The following CPNE2 variants were observed in gnomAD, a reference collection of about 807,000 sequenced individuals.
The protein encoded by CPNE2 is copine 2, also known as copine-2.
CPNE2 carries 42 observed loss-of-function variants against 69.7 expected under a neutral mutation model. The observed-to-expected ratio is 0.60, with a 90% CI of 0.47 to 0.78. The LOEUF (loss-of-function observed/expected upper bound fraction) is 0.78. Ranked by LOEUF, CPNE2 falls within the 30% of genes least tolerant of loss-of-function variation. The pLI is 0.00. For synonymous variants in CPNE2, 294 were observed against 289.8 expected (o/e 1.01, Z -0.15); for missense variants, 587 against 732.0 (o/e 0.80, Z 2.29).
intron 2 of CPNE2, chr16:57,112,882 A>C: frequency 6.2e-6 from 1 of 160,214 alleles, no homozygotes; most frequent in Admixed American, 6.4e-5. Flanking sequence ...TGAAAACCGC[A>C]AGTAGTCAAA....
chr16:57,118,746 T>C (rs1251496158), intron 5 of CPNE2, among the ~76,000 whole-genome samples: 1 of 152,142 alleles, frequency 6.6e-6, no homozygotes. Context: ...TTTTTAAACC[T>C]TAAATGATTT....
At chr16:57,122,283 G>A (rs553375335) in intron 9 of CPNE2, among the ~76,000 whole-genome samples, 1 of 152,326 alleles carries the variant, frequency 6.6e-6, no homozygotes, top group South Asian at 2.1e-4. Flanking sequence ...ATTAAGGAAG[G>A]CAGCCTGGGG....
At chr16:57,133,147 A>C (rs1454903092) in intron 12 of CPNE2, among the ~76,000 whole-genome samples, 7 of 152,054 alleles carry the variant, frequency 4.6e-5, no homozygotes, top group African/African-American at 1.7e-4. Context: ...GAGGCTCAGG[A>C]AGTCTCCATG....
At chr16:57,100,256 AG>A (rs538441406) in intron 1 of CPNE2, among the ~76,000 whole-genome samples, 6 of 152,208 alleles carry the variant, frequency 3.9e-5, no homozygotes, top group Non-Finnish European at 8.8e-5. Flanking sequence ...TAAGTGAAGA[AG>A]GGGGAAGGGC....
chr16:57,119,787 A>G, intron 7 of CPNE2, 137 bp downstream of exon 7: 1 of 613,502 alleles, frequency 1.6e-6, no homozygotes. Flanking sequence ...AGGAGGGAGG[A>G]CTGGAGACTG....
intron 12 of CPNE2, among the ~76,000 whole-genome samples, chr16:57,131,184 C>T (rs2069836084): frequency 6.6e-6 from 1 of 152,248 alleles, no homozygotes; most frequent in African/African-American, 2.4e-5. Context: ...ACTGTTGCCT[C>T]CCCATGAGAA....
chr16:57,115,879 C>T (rs2069715733), intron 4 of CPNE2, among the ~76,000 whole-genome samples: 1 of 152,240 alleles, frequency 6.6e-6, no homozygotes, highest in Non-Finnish European at 1.5e-5. Context: ...TCCTGCAATG[C>T]GCAACGACTC....
intron 14 of CPNE2, among the ~76,000 whole-genome samples, chr16:57,139,908 G>A (rs2069909192): frequency 6.6e-6 from 1 of 152,106 alleles, no homozygotes; most frequent in South Asian, 2.1e-4. Flanking sequence ...GATCAATCAG[G>A]AGGAGGTAGT....
chr16:57,100,047 G>A (rs183745604), intron 1 of CPNE2, among the ~76,000 whole-genome samples: 5 of 152,128 alleles, frequency 3.3e-5, no homozygotes, highest in Admixed American at 1.3e-4. Context: ...TGCTGGGATT[G>A]CAGGTGTGAG....
intron 1 of CPNE2, among the ~76,000 whole-genome samples, chr16:57,108,590 T>A (rs1457629084): frequency 2.0e-5 from 3 of 152,224 alleles, no homozygotes; most frequent in Non-Finnish European, 4.4e-5. Flanking sequence ...AAATGAGACC[T>A]GACCACAGGA....
rs1886564760 is a variant in CPNE2, at chr16:57,119,524, AG to A, written c.592-34del. The A allele has an allele frequency of 2.6e-6, 4 of 1,560,598 alleles. No homozygotes were observed. The Middle Eastern group carries it at 5.0e-4, about 196-fold the overall frequency. On this transcript the variant is annotated intron_variant, in intron 6 of 15. Coordinates refer to ENST00000290776, the MANE Select transcript of CPNE2 (RefSeq NM_152727.6). ...ACCCAACCCCAGAGCACTGCTGCCC[AG>A]GGCCTGAGCTCACAGCATCCCTCTC...
intron 1 of CPNE2, among the ~76,000 whole-genome samples, chr16:57,103,067 G>A (rs1381166988): frequency 3.3e-5 from 5 of 152,118 alleles, no homozygotes; most frequent in African/African-American, 1.2e-4. Context: ...CCGTGACCAG[G>A]CAACCACGCC....
intron 1 of CPNE2, among the ~76,000 whole-genome samples, chr16:57,096,048 T>C (rs1273666651): frequency 6.6e-6 from 1 of 152,244 alleles, no homozygotes; most frequent in South Asian, 2.1e-4. Flanking sequence ...ACATTGTAGG[T>C]GCTCAGTAAA....
At position 57,146,686 on chromosome 16, in the gene CPNE2, C is replaced by T. The variant is rs1197346274; in HGVS notation, c.1539+365C>T. On this transcript the variant is annotated intron_variant, in intron 15 of 15. Coordinates refer to ENST00000290776, the MANE Select transcript of CPNE2 (RefSeq NM_152727.6). This position sits in a 1 kb window ranked among gnomAD's most constrained non-coding sequence, Gnocchi z 4.4. ...GAGAGAGGGGTTTTCCTGATCATCA[C>T]GCCCCAGCAAGCCCCCTCATTTTGT... 3.0e-5 allele frequency: 6 copies of T among 202,172 alleles called. No individual in the cohort carries two copies. Among genetic ancestry groups the T allele is most frequent in the East Asian group, 1.4e-4 (1 of 7,170 alleles). 12.5% of individuals were successfully genotyped at this position (202,172 alleles called of 1,614,324 possible). A position where few individuals can be genotyped will look rare whatever the true frequency, so the allele number is the denominator to read the frequency against.
intron 1 of CPNE2, among the ~76,000 whole-genome samples, chr16:57,096,623 C>A (rs1272964742): frequency 1.3e-5 from 2 of 150,012 alleles, no homozygotes; most frequent in Non-Finnish European, 2.9e-5. Flanking sequence ...TGCTTGAGCC[C>A]AGGAGGTCGA....
rs553307942 is a variant in CPNE2 at position 57,103,737 on chromosome 16, G to A, written c.-35-6971G>A. Among the ~76,000 whole-genome samples, 77 of 152,238 alleles carry A rather than the reference G, an allele frequency of 5.1e-4. No individual in the cohort carries two copies. The South Asian group carries it at 5.6e-3, about 11-fold the overall frequency. Reference sequence around the variant, plus strand: ...CCAGCCGGCCCAGCAGCTCCTCCCCGACAGTGAGCTCCTTTACACTATAGC... The same window carrying A: ...CCAGCCGGCCCAGCAGCTCCTCCCCAACAGTGAGCTCCTTTACACTATAGC... On this transcript the variant is annotated intron_variant, in intron 1 of 15. Coordinates refer to ENST00000290776, the MANE Select transcript of CPNE2 (RefSeq NM_152727.6).
rs1271088578 is a variant in CPNE2 at position 57,146,094 on chromosome 16, ATCC to A, written c.1318_1320del (p.Leu440del). On this transcript the variant is annotated inframe_deletion, in exon 15 of 16. Coordinates refer to ENST00000290776, the MANE Select transcript of CPNE2 (RefSeq NM_152727.6). The surrounding 1 kb of genome is among the most constrained non-coding windows in gnomAD (Gnocchi z 4.4). Reference sequence around the variant, plus strand: ...GGCCCCCTCCCTGCAGCAGTACTTCATCCTCCTCATCATCACGGACGGGGTCAT... The same window carrying A: ...GGCCCCCTCCCTGCAGCAGTACTTCATCCTCATCATCACGGACGGGGTCAT... 1 of 1,604,080 alleles carries A rather than the reference ATCC, an allele frequency of 6.2e-7. No homozygotes were observed. Among genetic ancestry groups the A allele is most frequent in the Non-Finnish European group, 8.5e-7 (1 of 1,174,966 alleles).
intron 13 of CPNE2, among the ~76,000 whole-genome samples, chr16:57,135,904 G>A (rs2069876395): frequency 7.1e-6 from 1 of 140,880 alleles, no homozygotes; most frequent in African/African-American, 2.7e-5. Flanking sequence ...AAGGAGAAAA[G>A]AGAAAGAAAG....
At position 57,121,151 on chromosome 16, in the gene CPNE2, C is replaced by T. The variant is rs752292202; in HGVS notation, c.740C>T (p.Thr247Ile). 2.5e-6 allele frequency: 4 copies of T among 1,613,934 alleles called. No individual in the cohort carries two copies. Among genetic ancestry groups the T allele is most frequent in the African/African-American group, 2.7e-5 (2 of 74,910 alleles). Residue 247 changes from threonine (T) to isoleucine (I), a missense_variant, in exon 8 of 16, where the codon ACC (threonine) becomes ATC (isoleucine). Thr to Ile is a moderately conservative substitution (Grantham distance 89, BLOSUM62 -1). Transcript: ENST00000290776. Reference sequence around the variant, plus strand: ...CATGACTTCATCGGCGAGTTCCAGACCTCAGTGTCACAGATGTGTGAGGCT... The same window carrying T: ...CATGACTTCATCGGCGAGTTCCAGATCTCAGTGTCACAGATGTGTGAGGCT... ...GGHDFIGEFQ[T>I]SVSQMCEARD...
Sources: gnomAD v4.1 joint callset for allele counts (sites outside exome capture counted in the v4.1 genomes callset) on GRCh38, gnomAD v4.1.1 for gene constraint, Gnocchi (gnomAD v3.1) non-coding constraint, MANE v1.5 for transcripts, NCBI Gene and HGNC (gene_info 2026-07-23, HGNC 2026-07-21) for gene names.